Variants in LIMCH1 observed in about 807,000 individuals in gnomAD.
LIMCH1 encodes the protein LIM and calponin homology domains-containing protein 1.
LIMCH1 carries 113 observed loss-of-function variants against 176.5 expected under a neutral mutation model. The ratio of observed to expected loss-of-function variants is 0.64; its 90% CI spans 0.55 to 0.75. The LOEUF (loss-of-function observed/expected upper bound fraction) is 0.75. LIMCH1 is among the 30% of genes least tolerant of loss of function. The pLI, the probability that LIMCH1 is intolerant of heterozygous loss-of-function variation, is 0.00. For synonymous variants in LIMCH1, 619 were observed against 645.9 expected (o/e 0.96, Z 0.63); for missense variants, 1,674 against 1,814.9 (o/e 0.92, Z 1.41).
At chr4:41,620,363 A>C in intron 6 of LIMCH1, 61 bp from the exon 7 acceptor site, 2 of 1,442,138 alleles carry the variant, frequency 1.4e-6, no homozygotes, top group Non-Finnish European at 1.9e-6. Context: ...GGGAGATGAC[A>C]TGGGGTCTGC....
chr4:41,562,853 C>G (rs533627686), intron 1 of LIMCH1, among the ~76,000 whole-genome samples: 37 of 152,016 alleles, frequency 2.4e-4, no homozygotes, highest in African/African-American at 8.9e-4. Flanking sequence ...TTTTGCTTTC[C>G]CTTTTGTCAG....
intron 2 of LIMCH1, among the ~76,000 whole-genome samples, chr4:41,495,910 C>T (rs1012757662): frequency 5.9e-5 from 9 of 152,154 alleles, no homozygotes; most frequent in Admixed American, 2.0e-4. Context: ...CTCTTTCCTA[C>T]GAAGTCTCTC....
At chr4:41,468,400 C>A (rs922557952) in intron 1 of LIMCH1, among the ~76,000 whole-genome samples, 2 of 133,412 alleles carry the variant, frequency 1.5e-5, no homozygotes, top group Non-Finnish European at 3.2e-5. Context: ...CTCCCTTCCT[C>A]CCTTCCTTCC....
chr4:41,674,332 C>T (rs1310604667), intron 22 of LIMCH1, among the ~76,000 whole-genome samples: 2 of 152,180 alleles, frequency 1.3e-5, no homozygotes, highest in Admixed American at 1.3e-4. Context: ...TTTTGTATGG[C>T]TTTATTCACA....
chr4:41,529,035 C>G (rs2076978304), intron 3 of LIMCH1, among the ~76,000 whole-genome samples: 1 of 152,168 alleles, frequency 6.6e-6, no homozygotes. Flanking sequence ...CTTGCATTCT[C>G]TTTTAGGTGT....
intron 30 of LIMCH1, among the ~76,000 whole-genome samples, chr4:41,691,592 C>CAAAAAAA (rs796984431): frequency 1.8e-4 from 11 of 62,384 alleles, no homozygotes; most frequent in Non-Finnish European, 2.1e-4. Flanking sequence ...ACTAAAAATA[C>CAAAAAAA]AAAAAAAAAA....
intron 1 of LIMCH1, among the ~76,000 whole-genome samples, chr4:41,415,984 A>G (rs2059899914): frequency 6.6e-6 from 1 of 152,038 alleles, no homozygotes; most frequent in African/African-American, 2.4e-5. Flanking sequence ...CTCGAAAAAA[A>G]AAAAAGGAAT....
At chr4:41,476,420 G>C (rs140759990) in intron 1 of LIMCH1, among the ~76,000 whole-genome samples, 3 of 152,306 alleles carry the variant, frequency 2.0e-5, no homozygotes, top group African/African-American at 7.2e-5. Context: ...TGGAGGTAAG[G>C]AGAGCCAAAT....
chr4:41,448,273 T>G (rs888586796), intron 1 of LIMCH1, among the ~76,000 whole-genome samples: 1 of 152,214 alleles, frequency 6.6e-6, no homozygotes, highest in Non-Finnish European at 1.5e-5. Context: ...TCGCTTTAGG[T>G]TGGTGGGACC....
At chr4:41,477,190 T>C (rs1190192089) in intron 1 of LIMCH1, among the ~76,000 whole-genome samples, 1 of 152,176 alleles carries the variant, frequency 6.6e-6, no homozygotes, top group Non-Finnish European at 1.5e-5. Flanking sequence ...GTACTTTTGT[T>C]TCTTCATCTG....
chr4:41,366,225 T>C (rs921258563), intron 1 of LIMCH1, among the ~76,000 whole-genome samples: 4 of 152,212 alleles, frequency 2.6e-5, no homozygotes, highest in African/African-American at 7.2e-5. Context: ...GGGTGCTTAT[T>C]ATGTGCCTGC....
Position 41,697,944 on chromosome 4 carries a change from A to C in LIMCH1, c.*759A>C, listed in dbSNP as rs532705316. The stretch of plus-strand genomic sequence containing the variant: ...AGGTAGGAAGAAAGCAGAGGGAAAT[A>C]TTTCAGTCATCATTTCCAAAGTCAT... On this transcript the variant is annotated 3_prime_UTR_variant, in exon 32 of 32. Transcript: ENST00000503057. 4 of 152,302 alleles carry C rather than the reference A, an allele frequency of 2.6e-5. No homozygotes were observed. In the East Asian group the frequency reaches 5.8e-4, roughly 22 times the overall value. 9.4% of individuals were successfully genotyped at this position (152,302 alleles called of 1,614,324 possible). A position where few individuals can be genotyped will look rare whatever the true frequency, so the allele number is the denominator to read the frequency against.
chr4:41,424,997 C>T (rs940746916), intron 1 of LIMCH1, among the ~76,000 whole-genome samples: 2 of 152,148 alleles, frequency 1.3e-5, no homozygotes, highest in Admixed American at 6.5e-5. Context: ...AAATATTCCT[C>T]TCGGCCACCA....
At chr4:41,559,358 C>A (rs1342706193) in intron 1 of LIMCH1, among the ~76,000 whole-genome samples, 1 of 152,054 alleles carries the variant, frequency 6.6e-6, no homozygotes, top group African/African-American at 2.4e-5. Flanking sequence ...CTGTCTTGAT[C>A]CTACTTCCTT....
chr4:41,629,829 T>C, intron 9 of LIMCH1, 95 bp downstream of exon 9: 1 of 1,312,850 alleles, frequency 7.6e-7, no homozygotes, highest in Non-Finnish European at 1.0e-6. Context: ...TTTTTTTTTG[T>C]CAGGGTCTTG....
At chr4:41,579,822 G>A (rs1023086951) in intron 1 of LIMCH1, among the ~76,000 whole-genome samples, 8 of 152,084 alleles carry the variant, frequency 5.3e-5, no homozygotes, top group East Asian at 1.9e-4. Flanking sequence ...TACATGTAGC[G>A]GTCTGTTTGT....
chr4:41,650,945 T>C (rs1421327824), intron 18 of LIMCH1, among the ~76,000 whole-genome samples: 1 of 151,946 alleles, frequency 6.6e-6, no homozygotes, highest in Admixed American at 6.6e-5. Flanking sequence ...CCTCTCTGCC[T>C]TTGTCTTCAC....
At position 41,528,011 on chromosome 4, in the gene LIMCH1, A is replaced by G. The variant is rs139465656; in HGVS notation, c.237+3533A>G. Among the ~76,000 whole-genome samples, 180 of 152,252 alleles carry G rather than the reference A, an allele frequency of 1.2e-3. 1 individual carries two copies. The highest frequency in any genetic ancestry group is 4.2e-3 in the African/African-American group (174 of 41,542). Reference sequence around the variant, plus strand: ...TTGAATATAAATTGAGTATTAGATAATAGTATTCTCTCAGTGTTGGATTTC... The same window carrying G: ...TTGAATATAAATTGAGTATTAGATAGTAGTATTCTCTCAGTGTTGGATTTC... On this transcript the variant is annotated intron_variant, in intron 3 of 26. Coordinates refer to the LIMCH1 transcript ENST00000313860.
At chr4:41,372,423 T>C (rs1041113406) in intron 1 of LIMCH1, among the ~76,000 whole-genome samples, 1 of 152,132 alleles carries the variant, frequency 6.6e-6, no homozygotes, top group Non-Finnish European at 1.5e-5. Flanking sequence ...CTGTCTTAGT[T>C]TGGGACATTA....
Sources: gnomAD v4.1 joint callset for allele counts (sites outside exome capture counted in the v4.1 genomes callset) on GRCh38, gnomAD v4.1.1 for gene constraint, MANE v1.5 for transcripts, NCBI Gene and HGNC (gene_info 2026-07-23, HGNC 2026-07-21) for gene names.